CEP63: variants seen among roughly 807,000 people sequenced by gnomAD.
The protein encoded by CEP63 is centrosomal protein of 63 kDa.
CEP63 carries 84 observed loss-of-function variants against 89.1 expected under a neutral mutation model. That is an observed-to-expected ratio of 0.94 (90% CI 0.79 to 1.13). CEP63 has a LOEUF of 1.13. Among genes scored for constraint, CEP63 ranks in the 50% most tolerant of loss-of-function variants. The probability of loss-of-function intolerance (pLI) is 0.00; values close to 1 mark genes in which losing one functional copy is unlikely to be tolerated. For missense variants in CEP63, 838 were observed against 813.3 expected (o/e 1.03, Z -0.37); for synonymous variants, 267 against 272.5 (o/e 0.98, Z 0.20).
chr3:134,589,436 C>G (rs1958554879), downstream of CEP63, among the ~76,000 whole-genome samples: 1 of 152,058 alleles, frequency 6.6e-6, no homozygotes, highest in African/African-American at 2.4e-5. Context: ...CACTTTCTCC[C>G]TGAGATTGGG....
At chr3:134,752,034 G>A in the CEP63 span, among the ~76,000 whole-genome samples, 1 of 152,142 alleles carries the variant, frequency 6.6e-6, no homozygotes, top group Non-Finnish European at 1.5e-5. Flanking sequence ...ACTCAAGCCA[G>A]CAGGCTTGCC....
At chr3:134,629,143 A>G in the CEP63 span, among the ~76,000 whole-genome samples, 1 of 152,246 alleles carries the variant, frequency 6.6e-6, no homozygotes, top group African/African-American at 2.4e-5. Flanking sequence ...TTAAGACCAC[A>G]GGCTTCAGAG....
At chr3:134,748,887 C>G in the CEP63 span, among the ~76,000 whole-genome samples, 2 of 152,136 alleles carry the variant, frequency 1.3e-5, no homozygotes, top group Admixed American at 6.5e-5. Flanking sequence ...AAGGGAGTGG[C>G]CAGTGGGTTC....
intron 9 of CEP63, among the ~76,000 whole-genome samples, chr3:134,548,339 C>T (rs1954040100): frequency 6.6e-6 from 1 of 152,188 alleles, no homozygotes; most frequent in Admixed American, 6.5e-5. Flanking sequence ...ACAGTTGACA[C>T]ATGGTGATCC....
At chr3:134,486,887 A>C (rs922506708) in intron 1 of CEP63, among the ~76,000 whole-genome samples, 6 of 152,196 alleles carry the variant, frequency 3.9e-5, no homozygotes, top group Non-Finnish European at 8.8e-5. Flanking sequence ...GTTTCTTAGG[A>C]ACACTTTAAT....
At chr3:134,664,308 C>T in the CEP63 span, among the ~76,000 whole-genome samples, 1 of 152,218 alleles carries the variant, frequency 6.6e-6, no homozygotes, top group Non-Finnish European at 1.5e-5. Context: ...CACCCTCTGT[C>T]CAAGGTGGAA....
At chr3:134,489,334 C>T (rs539650011) in intron 1 of CEP63, among the ~76,000 whole-genome samples, 108 of 152,130 alleles carry the variant, frequency 7.1e-4, no homozygotes, top group Middle Eastern at 3.4e-3. Context: ...TGAGATTTCA[C>T]CCTTATATTT....
the CEP63 span, among the ~76,000 whole-genome samples, chr3:134,620,323 GC>G: frequency 7.2e-5 from 11 of 152,152 alleles, no homozygotes; most frequent in African/African-American, 2.4e-4. Flanking sequence ...GCTTTTCCTG[GC>G]CCTGGTATTT....
intron 11 of CEP63, among the ~76,000 whole-genome samples, chr3:134,572,867 T>C (rs1341435789): frequency 6.6e-6 from 1 of 152,208 alleles, no homozygotes; most frequent in East Asian, 1.9e-4. Context: ...ATTTATATTC[T>C]CACCAACAGT....
the CEP63 span, among the ~76,000 whole-genome samples, chr3:134,687,123 A>G: frequency 1.3e-5 from 2 of 152,212 alleles, no homozygotes; most frequent in African/African-American, 4.8e-5. Flanking sequence ...GCTATAGCTC[A>G]GAGAGGTCAA....
intron 12 of CEP63, among the ~76,000 whole-genome samples, chr3:134,557,376 GTTTTTTTTTT>G (rs199930556): frequency 0.13 from 13,658 of 101,598 alleles, 1,042 homozygotes; most frequent in Middle Eastern, 0.19. Context: ...TTCATAATTT[GTTTTTTTTTT>G]TTTTTTTTTT....
the CEP63 span, among the ~76,000 whole-genome samples, chr3:134,640,892 A>G: frequency 7.2e-5 from 11 of 152,076 alleles, no homozygotes; most frequent in Non-Finnish European, 5.9e-5. Flanking sequence ...CCCTCTGTTT[A>G]TTCTCTACGC....
the CEP63 span, among the ~76,000 whole-genome samples, chr3:134,748,006 G>A: frequency 4.0e-4 from 61 of 152,194 alleles, no homozygotes; most frequent in Non-Finnish European, 5.9e-4. Context: ...GGCTGGTCTC[G>A]AAATCCTGAC....
intron 2 of CEP63, among the ~76,000 whole-genome samples, chr3:134,499,354 G>C (rs1941246513): frequency 6.6e-6 from 1 of 152,066 alleles, no homozygotes; most frequent in Non-Finnish European, 1.5e-5. Flanking sequence ...GTGGTTATCA[G>C]TTGTAATATT....
the CEP63 span, among the ~76,000 whole-genome samples, chr3:134,726,098 C>T: frequency 2.0e-5 from 3 of 152,160 alleles, no homozygotes; most frequent in African/African-American, 7.2e-5. Flanking sequence ...TTTTCCTCTT[C>T]CTAAGATTTC....
the CEP63 span, among the ~76,000 whole-genome samples, chr3:134,717,824 C>T: frequency 1.3e-5 from 2 of 152,164 alleles, no homozygotes; most frequent in Non-Finnish European, 2.9e-5. Context: ...AGATTTGACT[C>T]TCTTTCACCG....
chr3:134,584,956 G>GTTTTTTTTTTTTT lies in CEP63; in HGVS notation c.1207-2496_1207-2484dup, dbSNP rs780691730. ...ATCCATTTCTTCTAGATTTTCTAGGGTTTTTTTTTTTTTTTTTTGCATGGA... is the reference window on the plus strand; with the variant it reads ...ATCCATTTCTTCTAGATTTTCTAGGGTTTTTTTTTTTTTTTTTTTTTTTTTTTTTTTGCATGGA... On this transcript the variant is annotated intron_variant, in intron 10 of 10. Coordinates refer to the CEP63 transcript ENST00000683931. Among the ~76,000 whole-genome samples the GTTTTTTTTTTTTT allele has an allele frequency of 8.6e-4, 31 of 36,024 alleles. 1 individual carries two copies. Among genetic ancestry groups the GTTTTTTTTTTTTT allele is most frequent in the African/African-American group, 1.8e-3 (21 of 11,766 alleles). 23.6% of individuals were successfully genotyped at this position (36,024 alleles called of 152,430 possible).
chr3:134,730,523 G>T, the CEP63 span, among the ~76,000 whole-genome samples: 1 of 152,012 alleles, frequency 6.6e-6, no homozygotes, highest in Non-Finnish European at 1.5e-5. Flanking sequence ...GATATAAATA[G>T]TGTGGATACA....
At chr3:134,600,702 G>A in the CEP63 span, 1 of 152,230 alleles carries the variant, frequency 6.6e-6, no homozygotes, top group South Asian at 2.1e-4. Context: ...CAATGGTATA[G>A]TAATGAGTGT....
Sources: allele counts gnomAD v4.1 joint callset (sites outside exome capture counted in the v4.1 genomes callset), GRCh38; gene constraint gnomAD v4.1.1; transcripts MANE v1.5; gene names NCBI Gene and HGNC (gene_info 2026-07-23, HGNC 2026-07-21).